The following TBC1D5 variants were observed in gnomAD, a reference collection of about 807,000 sequenced individuals.
The protein encoded by TBC1D5 is TBC1 domain family, member 5.
In TBC1D5, 75 loss-of-function variants were observed where a neutral mutation model predicts 100.3. The ratio of observed to expected loss-of-function variants is 0.75; its 90% CI spans 0.62 to 0.91. The LOEUF (loss-of-function observed/expected upper bound fraction) is 0.91. TBC1D5 is among the 40% of genes least tolerant of loss of function. The pLI is 0.00. For missense variants in TBC1D5, 910 were observed against 942.4 expected (o/e 0.97, Z 0.45); for synonymous variants, 323 against 325.6 (o/e 0.99, Z 0.09).
chr3:17,293,290 A>G (rs1264567151), intron 14 of TBC1D5, among the ~76,000 whole-genome samples: 1 of 152,200 alleles, frequency 6.6e-6, no homozygotes, highest in Admixed American at 6.5e-5. Context: ...GAACAGTATA[A>G]TGGTTTTATG....
chr3:17,626,772 G>A (rs1392044216), intron 1 of TBC1D5, among the ~76,000 whole-genome samples: 1 of 151,966 alleles, frequency 6.6e-6, no homozygotes, highest in Non-Finnish European at 1.5e-5. Context: ...AAATGAAGAA[G>A]GATATGCCAA....
intron 3 of TBC1D5, among the ~76,000 whole-genome samples, chr3:17,430,549 T>C (rs1029814661): frequency 6.6e-6 from 1 of 151,702 alleles, no homozygotes; most frequent in African/African-American, 2.4e-5. Context: ...CTCAAAAACA[T>C]AGCAAATAAG....
chr3:17,249,489 G>A (rs1461114402), intron 16 of TBC1D5, among the ~76,000 whole-genome samples: 19 of 152,158 alleles, frequency 1.2e-4, no homozygotes, highest in Admixed American at 1.2e-3. Flanking sequence ...GGCCTAGTGA[G>A]AGGTGTCTGG....
At chr3:17,721,680 GTAA>G (rs1008656984) in intron 1 of TBC1D5, among the ~76,000 whole-genome samples, 14 of 142,356 alleles carry the variant, frequency 9.8e-5, no homozygotes, top group Admixed American at 2.8e-4. Flanking sequence ...TCAAAAAATA[GTAA>G]TAATAATAAT....
At chr3:17,171,526 GTTGTCAACAATCC>G (rs1281385270) in intron 19 of TBC1D5, among the ~76,000 whole-genome samples, 2 of 152,112 alleles carry the variant, frequency 1.3e-5, no homozygotes, top group Non-Finnish European at 2.9e-5. Flanking sequence ...GCTTCTGGTG[GTTGTCAACAATCC>G]TTGGCATTCC....
At chr3:17,387,114 T>C (rs1326782426) in intron 8 of TBC1D5, among the ~76,000 whole-genome samples, 1 of 152,082 alleles carries the variant, frequency 6.6e-6, no homozygotes, top group East Asian at 1.9e-4. Context: ...GAAGAATCCA[T>C]TGCATCGAAT....
At chr3:17,297,843 G>A (rs1442101611) in intron 14 of TBC1D5, among the ~76,000 whole-genome samples, 2 of 151,688 alleles carry the variant, frequency 1.3e-5, no homozygotes, top group Admixed American at 6.6e-5. Context: ...TGCTGCCTTG[G>A]CCTCCCAAAG....
At chr3:17,273,458 C>T (rs2079637242) in intron 15 of TBC1D5, among the ~76,000 whole-genome samples, 1 of 152,154 alleles carries the variant, frequency 6.6e-6, no homozygotes, top group African/African-American at 2.4e-5. Flanking sequence ...TTCCCAATTA[C>T]CCTCTGGATA....
intron 3 of TBC1D5, among the ~76,000 whole-genome samples, chr3:17,442,273 A>G (rs1266808758): frequency 6.6e-6 from 1 of 152,170 alleles, no homozygotes; most frequent in Non-Finnish European, 1.5e-5. Flanking sequence ...GACCAGGTCT[A>G]GTTGTAGAAC....
At chr3:17,196,175 G>A (rs536663441) in intron 18 of TBC1D5, among the ~76,000 whole-genome samples, 4 of 152,312 alleles carry the variant, frequency 2.6e-5, no homozygotes, top group African/African-American at 4.8e-5. Context: ...CATTCAAAAC[G>A]GGAAACATTT....
At chr3:17,720,323 A>G (rs1336322657) in intron 1 of TBC1D5, among the ~76,000 whole-genome samples, 2 of 152,230 alleles carry the variant, frequency 1.3e-5, no homozygotes, top group Non-Finnish European at 2.9e-5. Context: ...TTTCAAAGAT[A>G]AAAACCTCTG....
chr3:17,703,066 A>T (rs1236960951), intron 1 of TBC1D5, among the ~76,000 whole-genome samples: 1 of 152,128 alleles, frequency 6.6e-6, no homozygotes, highest in Non-Finnish European at 1.5e-5. Context: ...TATGAAGTTA[A>T]AAAAAAGAAA....
At chr3:17,438,666 C>A (rs2149500364) in intron 3 of TBC1D5, among the ~76,000 whole-genome samples, 1 of 152,284 alleles carries the variant, frequency 6.6e-6, no homozygotes, top group South Asian at 2.1e-4. Context: ...TTGGGTATTT[C>A]TTCATAGCAG....
intron 4 of TBC1D5, among the ~76,000 whole-genome samples, chr3:17,406,990 A>G (rs1337597916): frequency 6.6e-6 from 1 of 152,180 alleles, no homozygotes; most frequent in Admixed American, 6.6e-5. Context: ...GTATAATAAA[A>G]GACTACTTTA....
chr3:17,266,808 T>G (rs1381022829), intron 15 of TBC1D5, among the ~76,000 whole-genome samples: 1 of 152,102 alleles, frequency 6.6e-6, no homozygotes, highest in East Asian at 1.9e-4. Flanking sequence ...GGAAAACATA[T>G]ATTGTGAAAA....
chr3:17,479,525 T>A (rs2095476619), intron 3 of TBC1D5, among the ~76,000 whole-genome samples: 1 of 152,114 alleles, frequency 6.6e-6, no homozygotes, highest in Non-Finnish European at 1.5e-5. Context: ...ATCTGATAAA[T>A]GGAATAAACA....
intron 15 of TBC1D5, among the ~76,000 whole-genome samples, chr3:17,259,195 C>T (rs1016546651): frequency 1.3e-5 from 2 of 152,138 alleles, no homozygotes; most frequent in Non-Finnish European, 2.9e-5. Flanking sequence ...CATTACTATA[C>T]AAAAGCAAAT....
At chr3:17,411,220 A>G (rs1424283295) in intron 4 of TBC1D5, among the ~76,000 whole-genome samples, 1 of 151,706 alleles carries the variant, frequency 6.6e-6, no homozygotes, top group Non-Finnish European at 1.5e-5. Flanking sequence ...TTTTTTTGCA[A>G]TAAGGTATTT....
At chr3:17,303,020 TC>T (rs989224987) in intron 14 of TBC1D5, among the ~76,000 whole-genome samples, 3 of 152,230 alleles carry the variant, frequency 2.0e-5, no homozygotes, top group Non-Finnish European at 4.4e-5. Flanking sequence ...TCCTCTCAGT[TC>T]TTGACCATGG....
Sources: allele counts gnomAD v4.1 joint callset (sites outside exome capture counted in the v4.1 genomes callset), GRCh38; gene constraint gnomAD v4.1.1; transcripts MANE v1.5; gene names NCBI Gene and HGNC (gene_info 2026-07-23, HGNC 2026-07-21).